Variants in BRDT observed in about 807,000 individuals in gnomAD.
BRDT encodes bromodomain testis-specific protein.
Under a neutral mutation model 113.9 loss-of-function variants are expected in BRDT, and 77 were observed. The ratio of observed to expected loss-of-function variants is 0.68; its 90% CI spans 0.56 to 0.82. The LOEUF (loss-of-function observed/expected upper bound fraction) is 0.82, where lower values mean the gene tolerates loss of function less well. Ranked by LOEUF, BRDT falls within the 40% of genes least tolerant of loss-of-function variation. The probability of loss-of-function intolerance (pLI) is 0.00; values close to 1 mark genes in which losing one functional copy is unlikely to be tolerated. For missense variants in BRDT, 1,027 were observed against 1,105.4 expected, an observed-to-expected ratio of 0.93 and a Z score of 1.01; for synonymous variants, 358 against 366.5, an observed-to-expected ratio of 0.98 and a Z score of 0.26.
chr1:91,973,945 C>G (rs1025646219), intron 4 of BRDT, among the ~76,000 whole-genome samples: 1 of 152,082 alleles, frequency 6.6e-6, no homozygotes. Flanking sequence ...GAGATACAGA[C>G]CAATGGAACA....
Position 91,962,878 on chromosome 1 carries a change from G to A in BRDT, c.124G>A (p.Asp42Asn), listed in dbSNP as rs745680057. The change falls in exon 2 of 19, where the codon GAT becomes AAT. Residue 42 changes from aspartate to asparagine, a missense_variant. Coordinates refer to ENST00000399546, the MANE Select transcript of BRDT (RefSeq NM_207189.4). ...LQYLQKVVLKDLWKHSFSWPF... is the reference protein window; with the variant it reads ...LQYLQKVVLKNLWKHSFSWPF... ...GTATCTACAAAAAGTTGTCCTAAAG[G>A]ATTTATGGAAGCATAGTTTTTCATG... The A allele has an allele frequency of 6.2e-7, 1 of 1,612,102 alleles. No individual in the cohort carries two copies. Among genetic ancestry groups the A allele is most frequent in the East Asian group, 2.2e-5 (1 of 44,812 alleles).
At chr1:91,976,138 AAAAT>A in intron 4 of BRDT, 124 bp from the exon 5 acceptor site, 1 of 906,774 alleles carries the variant, frequency 1.1e-6, no homozygotes, top group Non-Finnish European at 1.5e-6. Flanking sequence ...TGTAGATTTC[AAAAT>A]GAAATAAGTA....
chr1:91,990,130 G>T (rs1024483475), intron 12 of BRDT, among the ~76,000 whole-genome samples: 8 of 152,174 alleles, frequency 5.3e-5, no homozygotes, highest in Non-Finnish European at 1.2e-4. Flanking sequence ...GGGGAGGATA[G>T]CATCAGAAAC....
At chr1:92,002,749 T>C (rs1464139095) in intron 16 of BRDT, among the ~76,000 whole-genome samples, 1 of 152,194 alleles carries the variant, frequency 6.6e-6, no homozygotes, top group East Asian at 1.9e-4. Context: ...TAAAACCATC[T>C]TTTAGAATCT....
chr1:91,964,877 A>G (rs1486954425), intron 3 of BRDT, 113 bp downstream of exon 3: 1 of 600,192 alleles, frequency 1.7e-6, no homozygotes, highest in Non-Finnish European at 2.5e-6. Flanking sequence ...GAGATACTTG[A>G]CGTGTGTGTG....
chr1:91,962,567 C>T (rs975078384), intron 1 of BRDT, among the ~76,000 whole-genome samples, 151 bp from the exon 2 acceptor site: 2 of 152,096 alleles, frequency 1.3e-5, no homozygotes, highest in African/African-American at 4.8e-5. Flanking sequence ...CTCCTGACCT[C>T]AAGTGATCCA....
chr1:92,004,347 A>C (rs1051066722), intron 16 of BRDT, 67 bp from the exon 17 acceptor site: 11 of 1,134,452 alleles, frequency 9.7e-6, no homozygotes, highest in Non-Finnish European at 1.4e-5. Flanking sequence ...TCATCAAAAA[A>C]TGTTTTCTTC....
chr1:91,969,112 A>G lies in BRDT; in HGVS notation c.445+852A>G, dbSNP rs552955082. 6.0e-5 allele frequency among the ~76,000 whole-genome samples: 9 copies of G among 149,400 alleles called. No individual in the cohort carries two copies. The East Asian group carries it at 1.6e-3, about 26-fold the overall frequency. ...CCACCACGCCCTGCTAATTTTTTGTATTTTTTTTTAGTAGAGTCGGGGTTT... is the reference window on the plus strand; with the variant it reads ...CCACCACGCCCTGCTAATTTTTTGTGTTTTTTTTTAGTAGAGTCGGGGTTT... On this transcript the variant is annotated intron_variant, in intron 4 of 18. Coordinates refer to ENST00000399546, the MANE Select transcript of BRDT (RefSeq NM_207189.4).
chr1:92,006,133 T>C lies in BRDT; in HGVS notation c.2775+834T>C, dbSNP rs79454098. Among the ~76,000 whole-genome samples the C allele has an allele frequency of 7.4e-4, 113 of 152,338 alleles. 1 individual carries two copies. The East Asian group carries it at 0.017, about 23-fold the overall frequency. ...ATTGTTTGAAATTTATTGAGACTTA[T>C]TTTATGGCCTGGCTTATGGTCTACT... is the stretch of plus-strand genomic sequence containing the variant. On this transcript the variant is annotated intron_variant, in intron 18 of 18. Transcript: ENST00000399546.
At chr1:91,999,589 T>C (rs754383810) in intron 15 of BRDT, among the ~76,000 whole-genome samples, 3 of 152,190 alleles carry the variant, frequency 2.0e-5, no homozygotes, top group Non-Finnish European at 1.5e-5. Flanking sequence ...TCTTACTGAA[T>C]GAATGTCCCC....
chr1:91,950,224 G>C (rs1441209121), intron 1 of BRDT: 1 of 152,200 alleles, frequency 6.6e-6, no homozygotes, highest in Non-Finnish European at 1.5e-5. Flanking sequence ...CGAGGCAAGT[G>C]GATCACCTGA....
Position 91,981,091 on chromosome 1 carries a change from G to C in BRDT, c.1663G>C (p.Asp555His). ...SNSNPDEIEI[D>H]FETLKASTLR... is the part of the protein sequence containing the mutation. The stretch of plus-strand genomic sequence containing the variant: ...TTCCAATCCTGATGAGATAGAGATA[G>C]ACTTTGAAACACTGAAAGCATCAAC... Residue 555 changes from aspartate to histidine, a missense_variant, in exon 10 of 19, where the codon GAC becomes CAC. By Grantham distance (81) the Asp-to-His change is moderately conservative. Coordinates refer to ENST00000399546, the MANE Select transcript of BRDT (RefSeq NM_207189.4). 6.2e-7 allele frequency: 1 copy of C among 1,614,022 alleles called. No individual in the cohort carries two copies.
At chr1:91,992,629 G>A (rs1359697730) in intron 14 of BRDT, among the ~76,000 whole-genome samples, 1 of 152,056 alleles carries the variant, frequency 6.6e-6, no homozygotes. Context: ...TCTGCCTTTC[G>A]GGTTCAAGCG....
chr1:92,002,233 C>T (rs1472636284), intron 16 of BRDT, 84 bp downstream of exon 16: 1 of 935,012 alleles, frequency 1.1e-6, no homozygotes, highest in Non-Finnish European at 1.6e-6. Context: ...TTTAAAAGCC[C>T]TGACTTAAAT....
At chr1:91,954,059 C>A (rs989509617) in intron 1 of BRDT, among the ~76,000 whole-genome samples, 3 of 152,064 alleles carry the variant, frequency 2.0e-5, no homozygotes, top group Non-Finnish European at 4.4e-5. Flanking sequence ...GCAACCTCCC[C>A]CTCCGGGATT....
chr1:91,980,920 G>A lies in BRDT; in HGVS notation c.1492G>A (p.Gly498Ser), dbSNP rs367777155. The change falls in exon 10 of 19, where the codon GGT becomes AGT. Residue 498 changes from glycine to serine, a missense_variant. Coordinates refer to ENST00000399546, the MANE Select transcript of BRDT (RefSeq NM_207189.4). Reference sequence around the variant, plus strand: ...AAAGAAAAGGAAACAACAGTTCATTGGTCTAAAATCTGAAGATGAAGATAA... The same window carrying A: ...AAAGAAAAGGAAACAACAGTTCATTAGTCTAAAATCTGAAGATGAAGATAA... ...QPKKRKQQFI[G>S]LKSEDEDNAK... The A allele has an allele frequency of 2.2e-5, 36 of 1,611,016 alleles. No individual in the cohort carries two copies. The highest frequency in any genetic ancestry group is 3.0e-5 in the Non-Finnish European group (35 of 1,179,324).
intron 18 of BRDT, 80 bp downstream of exon 18, chr1:92,005,379 T>C (rs1344444271): frequency 1.5e-6 from 2 of 1,297,716 alleles, no homozygotes; most frequent in East Asian, 2.7e-5. Flanking sequence ...TGTTCAAGGA[T>C]GCATTTGGGG....
intron 1 of BRDT, among the ~76,000 whole-genome samples, chr1:91,957,226 GC>G (rs1190469131): frequency 1.2e-4 from 19 of 152,336 alleles, no homozygotes; most frequent in African/African-American, 4.3e-4. Context: ...GGGGGCAGTG[GC>G]TCATGCCTGT....
chr1:91,981,821 T>C, intron 12 of BRDT, 66 bp downstream of exon 12: 2 of 1,469,024 alleles, frequency 1.4e-6, no homozygotes, highest in East Asian at 2.5e-5. Context: ...TATTGATTTA[T>C]ATTTTGAAGA....
Sources: gnomAD v4.1 joint callset for allele counts (sites outside exome capture counted in the v4.1 genomes callset) on GRCh38, gnomAD v4.1.1 for gene constraint, MANE v1.5 for transcripts, NCBI Gene and HGNC (gene_info 2026-07-23, HGNC 2026-07-21) for gene names.